Variants in LRP2 observed in about 807,000 individuals in gnomAD.
LRP2 encodes the protein LDL receptor related protein 2.
Under a neutral mutation model 531.0 loss-of-function variants are expected in LRP2, and 172 were observed. That is an observed-to-expected ratio of 0.32 (90% CI 0.29 to 0.37). The LOEUF is 0.37. LRP2 is among the 10% of genes least tolerant of loss of function. LRP2 has a pLI of 1.00. For synonymous variants in LRP2, 1,992 were observed against 2,027.6 expected, an observed-to-expected ratio of 0.98 and a Z score of 0.47; for missense variants, 5,167 against 5,868.3, an observed-to-expected ratio of 0.88 and a Z score of 3.90.
chr2:169,143,602 C>T (rs145644641), intron 70 of LRP2, among the ~76,000 whole-genome samples: 8 of 152,286 alleles, frequency 5.3e-5, no homozygotes, highest in Non-Finnish European at 1.2e-4. Flanking sequence ...GCCGAGATTG[C>T]ACCACTGCAC....
At position 169,277,728 on chromosome 2, in the gene LRP2, T is replaced by TA. The variant is rs760755801; in HGVS notation, c.1772+16dup. On this transcript the variant is annotated intron_variant, in intron 13 of 78. Transcript: ENST00000649046. Reference sequence around the variant, plus strand: ...CTGCAACTTATAAAGCCATAAGCCATAAAAAATACTTCTTACCTTTGAATT... The same window carrying TA: ...CTGCAACTTATAAAGCCATAAGCCATAAAAAAATACTTCTTACCTTTGAATT... 1.9e-6 allele frequency: 3 copies of TA among 1,610,144 alleles called. No individual in the cohort carries two copies. Among genetic ancestry groups the TA allele is most frequent in the East Asian group, 2.2e-5 (1 of 44,836 alleles).
chr2:169,196,647 T>G (rs545706631), intron 46 of LRP2, among the ~76,000 whole-genome samples: 1 of 152,252 alleles, frequency 6.6e-6, no homozygotes, highest in Non-Finnish European at 1.5e-5. Context: ...AGCTAAGCAC[T>G]GTATTAGGTG....
rs1478445560 is a variant in LRP2 at position 169,275,128 on chromosome 2, T to C, written c.1883A>G (p.Asn628Ser). 3 of 1,613,780 alleles carry C rather than the reference T, an allele frequency of 1.9e-6. No individual in the cohort carries two copies. The highest frequency in any genetic ancestry group is 1.7e-4 in the Middle Eastern group (1 of 6,060). ...TTGTGGGTTGGTCTCTGTGAACTTGTTTGCCTTCAGCACGGCCATCTTTGT... is the reference window on the plus strand; with the variant it reads ...TTGTGGGTTGGTCTCTGTGAACTTGCTTGCCTTCAGCACGGCCATCTTTGT... Reference protein sequence around the residue: ...DWTKMAVLKANKFTETNPQVY... With the variant: ...DWTKMAVLKASKFTETNPQVY... Residue 628 changes from asparagine to serine, a missense_variant, in exon 14 of 79, where the codon AAC (asparagine) becomes AGC (serine). Coordinates refer to ENST00000649046, the MANE Select transcript of LRP2 (RefSeq NM_004525.3).
intron 9 of LRP2, among the ~76,000 whole-genome samples, chr2:169,283,740 A>T (rs1683767996): frequency 6.6e-6 from 1 of 152,218 alleles, no homozygotes; most frequent in Non-Finnish European, 1.5e-5. Context: ...TTAACTTATT[A>T]TTCACTCATT....
intron 68 of LRP2, among the ~76,000 whole-genome samples, chr2:169,147,898 G>A (rs1178393435): frequency 6.6e-6 from 1 of 151,754 alleles, no homozygotes; most frequent in East Asian, 1.9e-4. Context: ...AAGAAATACA[G>A]GTTTTCTTTC....
chr2:169,334,506 T>C (rs1685350129), intron 1 of LRP2, among the ~76,000 whole-genome samples: 1 of 152,138 alleles, frequency 6.6e-6, no homozygotes, highest in Admixed American at 6.5e-5. Context: ...AGAACATGGA[T>C]CCATAGGCAT....
intron 9 of LRP2, among the ~76,000 whole-genome samples, chr2:169,286,543 C>T (rs1683863568): frequency 6.6e-6 from 1 of 152,158 alleles, no homozygotes; most frequent in African/African-American, 2.4e-5. Context: ...CAGCCTTTCG[C>T]TTTGTGAGAG....
intron 16 of LRP2, among the ~76,000 whole-genome samples, chr2:169,268,115 T>C (rs970211431): frequency 4.6e-5 from 7 of 152,136 alleles, no homozygotes; most frequent in Admixed American, 2.6e-4. Flanking sequence ...CAATAATTAA[T>C]AGCCTACCAA....
At chr2:169,231,949 C>T (rs1286756380) in intron 30 of LRP2, 107 bp from the exon 31 acceptor site, 1 of 1,365,586 alleles carries the variant, frequency 7.3e-7, no homozygotes, top group East Asian at 2.5e-5. Flanking sequence ...TACAGGGGGG[C>T]TTAAGTACGT....
chr2:169,283,909 A>C (rs1683772026), intron 9 of LRP2, among the ~76,000 whole-genome samples: 1 of 152,162 alleles, frequency 6.6e-6, no homozygotes, highest in African/African-American at 2.4e-5. Context: ...TTTCTTAAAG[A>C]CTATAAGGCT....
chr2:169,245,813 T>C (rs1574175583), intron 21 of LRP2, among the ~76,000 whole-genome samples: 1 of 152,260 alleles, frequency 6.6e-6, no homozygotes, highest in Non-Finnish European at 1.5e-5. Context: ...TGTGATACTA[T>C]TCTCTCGGTT....
intron 25 of LRP2, 48 bp from the exon 26 acceptor site, chr2:169,239,823 G>C: frequency 6.6e-7 from 1 of 1,516,516 alleles, no homozygotes; most frequent in Non-Finnish European, 9.2e-7. Context: ...AAGAATCTTT[G>C]CTTCTTTGAT....
At chr2:169,286,403 A>G (rs1683859753) in intron 9 of LRP2, among the ~76,000 whole-genome samples, 1 of 152,230 alleles carries the variant, frequency 6.6e-6, no homozygotes. Flanking sequence ...ACTACTTCCA[A>G]TGTGTTATTA....
At chr2:169,323,368 C>T (rs763241977) in intron 1 of LRP2, among the ~76,000 whole-genome samples, 12 of 152,160 alleles carry the variant, frequency 7.9e-5, no homozygotes, top group African/African-American at 1.2e-4. Flanking sequence ...GACCTCTCAG[C>T]CATCAGCCAA....
chr2:169,362,275 G>C, intron 1 of LRP2, 46 bp downstream of exon 1: 2 of 1,495,136 alleles, frequency 1.3e-6, no homozygotes, highest in Non-Finnish European at 1.8e-6. Context: ...CCCTGCCACA[G>C]CCGGGGAAGT....
At chr2:169,149,471 C>G (rs1351364141) in intron 68 of LRP2, among the ~76,000 whole-genome samples, 2 of 152,128 alleles carry the variant, frequency 1.3e-5, no homozygotes, top group Non-Finnish European at 2.9e-5. Flanking sequence ...CTTTCTCACT[C>G]CTTTCTTACT....
intron 1 of LRP2, among the ~76,000 whole-genome samples, chr2:169,353,453 AT>A (rs1160980916): frequency 9.2e-5 from 14 of 152,042 alleles, no homozygotes; most frequent in Admixed American, 9.2e-4. Context: ...CTGCCTCAGT[AT>A]TTTTTACTCA....
intron 76 of LRP2, among the ~76,000 whole-genome samples, chr2:169,134,093 A>C (rs1183638764): frequency 6.6e-6 from 1 of 152,182 alleles, no homozygotes; most frequent in Non-Finnish European, 1.5e-5. Context: ...TGGTTAGTGC[A>C]GTCAGAATTC....
At chr2:169,283,110 T>C in intron 9 of LRP2, 109 bp from the exon 10 acceptor site, 1 of 1,071,224 alleles carries the variant, frequency 9.3e-7, no homozygotes, top group Non-Finnish European at 1.4e-6. Flanking sequence ...TGCCCATGTC[T>C]AAATAAACAC....
Sources: gnomAD v4.1 joint callset for allele counts (sites outside exome capture counted in the v4.1 genomes callset) on GRCh38, gnomAD v4.1.1 for gene constraint, MANE v1.5 for transcripts, NCBI Gene and HGNC (gene_info 2026-07-23, HGNC 2026-07-21) for gene names.